Variants in ANTXR1 observed in about 807,000 individuals in gnomAD.
ANTXR1 encodes ANTXR cell adhesion molecule 1.
ANTXR1 carries 19 observed loss-of-function variants against 78.1 expected under a neutral mutation model. The observed-to-expected ratio is 0.24, with a 90% CI of 0.17 to 0.36. ANTXR1 has a LOEUF of 0.36. Among genes scored for constraint, ANTXR1 ranks in the 10% least tolerant of loss-of-function variants. The pLI is 1.00. For synonymous variants in ANTXR1, 273 were observed against 260.5 expected (o/e 1.05, Z -0.46); for missense variants, 518 against 718.6 (o/e 0.72, Z 3.19).
intron 10 of ANTXR1, among the ~76,000 whole-genome samples, chr2:69,119,372 T>C (rs1672268273): frequency 1.3e-5 from 2 of 152,188 alleles, no homozygotes. Context: ...CGTGGCTCTG[T>C]GGGCTGGCTA....
In ANTXR1 at chr2:69,245,653, G is replaced by A; in HGVS notation, c.*168G>A. ...CAATCATGATCAGCTGAAAGAAACA[G>A]ATATTTTAAATTGCCAGAAAACAAA... is the stretch of plus-strand genomic sequence containing the variant. On this transcript the variant is annotated 3_prime_UTR_variant, in exon 18 of 18. Coordinates refer to ENST00000303714, the MANE Select transcript of ANTXR1 (RefSeq NM_032208.3). 1 of 966,088 alleles carries A rather than the reference G, an allele frequency of 1.0e-6. No individual in the cohort carries two copies. Among genetic ancestry groups the A allele is most frequent in the Non-Finnish European group, 1.5e-6 (1 of 652,624 alleles). 59.8% of individuals were successfully genotyped at this position (966,088 alleles called of 1,614,324 possible).
At chr2:69,241,601 G>T (rs190759242) in intron 17 of ANTXR1, among the ~76,000 whole-genome samples, 14 of 152,214 alleles carry the variant, frequency 9.2e-5, no homozygotes, top group Admixed American at 9.2e-4. Flanking sequence ...AAGAGTGCAG[G>T]CTCTAGGGGC....
At chr2:69,189,384 T>C (rs985487188) in intron 16 of ANTXR1, among the ~76,000 whole-genome samples, 26 of 152,212 alleles carry the variant, frequency 1.7e-4, no homozygotes, top group Non-Finnish European at 1.5e-4. Flanking sequence ...GACACCCAGA[T>C]CAGTAGAAAC....
At chr2:69,060,063 A>T (rs894227566) in intron 3 of ANTXR1, among the ~76,000 whole-genome samples, 2 of 152,196 alleles carry the variant, frequency 1.3e-5, no homozygotes, top group African/African-American at 4.8e-5. Context: ...ACCTTTAAAA[A>T]TTCCTTGATG....
At chr2:69,032,201 A>G (rs747053058) in intron 1 of ANTXR1, among the ~76,000 whole-genome samples, 1 of 152,252 alleles carries the variant, frequency 6.6e-6, no homozygotes, top group Non-Finnish European at 1.5e-5. Flanking sequence ...GTTCATAACC[A>G]TAATGACATT....
intron 1 of ANTXR1, among the ~76,000 whole-genome samples, chr2:69,031,080 G>A (rs1037711238): frequency 3.9e-5 from 6 of 152,158 alleles, no homozygotes; most frequent in African/African-American, 1.4e-4. Flanking sequence ...AGTTGCCACG[G>A]AGACCACATG....
At chr2:69,021,621 C>A (rs1324429010) in intron 1 of ANTXR1, among the ~76,000 whole-genome samples, 1 of 152,170 alleles carries the variant, frequency 6.6e-6, no homozygotes, top group Non-Finnish European at 1.5e-5. Context: ...CTTCTCCTCA[C>A]AGCCTGTTGG....
intron 8 of ANTXR1, among the ~76,000 whole-genome samples, chr2:69,078,873 TTA>T (rs1256215470): frequency 5.3e-5 from 8 of 152,180 alleles, no homozygotes; most frequent in Non-Finnish European, 8.8e-5. Flanking sequence ...CACTTGAGAA[TTA>T]TGTTTGTAAT....
intron 10 of ANTXR1, among the ~76,000 whole-genome samples, chr2:69,104,970 C>A (rs1012347408): frequency 3.3e-5 from 5 of 152,130 alleles, no homozygotes; most frequent in African/African-American, 1.2e-4. Context: ...CTGTGGTCCC[C>A]AGCTACTCTG....
At chr2:69,154,743 G>A (rs919114466) in intron 13 of ANTXR1, among the ~76,000 whole-genome samples, 4 of 152,196 alleles carry the variant, frequency 2.6e-5, no homozygotes, top group African/African-American at 9.7e-5. Flanking sequence ...AAAACGTGGG[G>A]TACGTGTCTG....
intron 17 of ANTXR1, among the ~76,000 whole-genome samples, chr2:69,229,897 T>C (rs538547242): frequency 6.6e-6 from 1 of 152,284 alleles, no homozygotes; most frequent in East Asian, 1.9e-4. Context: ...GATGAAGAGA[T>C]GATGGTCAGT....
intron 3 of ANTXR1, among the ~76,000 whole-genome samples, chr2:69,064,517 G>A (rs1670336344): frequency 6.6e-6 from 1 of 152,058 alleles, no homozygotes; most frequent in Non-Finnish European, 1.5e-5. Context: ...AGTATGGGAG[G>A]GGACCATACA....
intron 15 of ANTXR1, chr2:69,182,109 G>A: frequency 1.7e-6 from 1 of 582,262 alleles, no homozygotes; most frequent in Non-Finnish European, 3.1e-6. Context: ...AGATAGGAGG[G>A]ACAGCCTTTC....
intron 12 of ANTXR1, chr2:69,145,322 A>T: frequency 6.3e-7 from 1 of 1,589,720 alleles, no homozygotes; most frequent in Non-Finnish European, 8.6e-7. Flanking sequence ...TCTCTTTCTT[A>T]AAGAGCCTCC....
chr2:69,182,884 C>G (rs1674313014), intron 16 of ANTXR1: 1 of 593,276 alleles, frequency 1.7e-6, no homozygotes, highest in Non-Finnish European at 3.0e-6. Flanking sequence ...GTGGTGCTCA[C>G]TTCTGCAGCA....
chr2:69,073,797 T>C (rs1391703190), intron 6 of ANTXR1, among the ~76,000 whole-genome samples: 1 of 152,190 alleles, frequency 6.6e-6, no homozygotes, highest in East Asian at 1.9e-4. Flanking sequence ...ATAATTAGTA[T>C]AAAAGGAAAC....
chr2:69,178,730 C>G (rs546513541), intron 14 of ANTXR1, among the ~76,000 whole-genome samples: 13 of 152,328 alleles, frequency 8.5e-5, no homozygotes, highest in Admixed American at 8.5e-4. Context: ...TCTTTAAGTT[C>G]TTTTCGTAAA....
intron 3 of ANTXR1, among the ~76,000 whole-genome samples, chr2:69,057,070 T>C (rs1670089595): frequency 6.6e-6 from 1 of 151,568 alleles, no homozygotes; most frequent in Admixed American, 6.6e-5. Flanking sequence ...TTTTTTTGTG[T>C]GTAGATACAT....
chr2:69,226,196 A>G (rs564343610), intron 17 of ANTXR1, among the ~76,000 whole-genome samples: 1 of 152,342 alleles, frequency 6.6e-6, no homozygotes, highest in Non-Finnish European at 1.5e-5. Context: ...TGGAGACTGA[A>G]CAGAGATTGT....
Sources: gnomAD v4.1 joint callset for allele counts (sites outside exome capture counted in the v4.1 genomes callset) on GRCh38, gnomAD v4.1.1 for gene constraint, MANE v1.5 for transcripts, NCBI Gene and HGNC (gene_info 2026-07-23, HGNC 2026-07-21) for gene names.